Variants in USB1 observed in about 807,000 individuals in gnomAD.
The protein encoded by USB1 is U6 snRNA phosphodiesterase 1.
Under a neutral mutation model 29.9 loss-of-function variants are expected in USB1, and 21 were observed. The observed-to-expected ratio is 0.70, with a 90% CI of 0.50 to 1.01. USB1 has a LOEUF of 1.01. Among genes scored for constraint, USB1 ranks in the 50% least tolerant of loss-of-function variants. USB1 has a pLI of 0.00. For missense variants in USB1, 330 were observed against 347.1 expected (o/e 0.95, Z 0.39); for synonymous variants, 143 against 134.9 (o/e 1.06, Z -0.42).
chr16:58,003,945 A>C (rs1314060460), intron 2 of USB1, among the ~76,000 whole-genome samples: 1 of 152,162 alleles, frequency 6.6e-6, no homozygotes, highest in East Asian at 1.9e-4. Flanking sequence ...GAAGTTTTTA[A>C]GTTTAATGAA....
At chr16:58,011,381 A>T (rs745809938) in intron 3 of USB1, 12 of 1,216,154 alleles carry the variant, frequency 9.9e-6, no homozygotes, top group Non-Finnish European at 1.2e-5. Context: ...TTTGTCTGCC[A>T]GCCTGGGGCT....
chr16:58,017,827 G>A (rs891910904), intron 5 of USB1, among the ~76,000 whole-genome samples: 1 of 152,150 alleles, frequency 6.6e-6, no homozygotes, highest in Non-Finnish European at 1.5e-5. Flanking sequence ...GCCCTCCAAG[G>A]GCACTTGGAC....
chr16:58,018,904 G>A, intron 5 of USB1, 68 bp from the exon 6 acceptor site: 1 of 1,501,934 alleles, frequency 6.7e-7, no homozygotes. Context: ...CTCTGTCACA[G>A]ACCTGCTGTG....
intron 2 of USB1, among the ~76,000 whole-genome samples, chr16:58,003,663 C>T (rs2142292896): frequency 6.6e-6 from 1 of 152,254 alleles, no homozygotes; most frequent in Admixed American, 6.5e-5. Flanking sequence ...TGTGTATCTT[C>T]CTCAGTGAGG....
At position 58,001,480 on chromosome 16, in the gene USB1, C is replaced by G; in HGVS notation, c.-4C>G. 1.3e-6 allele frequency: 2 copies of G among 1,596,154 alleles called. No homozygotes were observed. The highest frequency in any genetic ancestry group is 1.7e-4 in the Middle Eastern group (1 of 6,002). ...CCTGCTCTGGTGGTCTTGGATGAGG[C>G]CCCATGAGCGCGGCGCCCCTGGTGG... On this transcript the variant is annotated 5_prime_UTR_variant, in exon 1 of 7. Transcript: ENST00000219281.
chr16:58,016,023 G>T, intron 4 of USB1: 1 of 152,800 alleles, frequency 6.5e-6, no homozygotes. Flanking sequence ...ATGTCAGTCT[G>T]GCTAGTGGTG....
rs2142314809 is a variant in USB1, at chr16:58,020,281, G to A, written c.*36G>A. 1.2e-6 allele frequency: 2 copies of A among 1,601,392 alleles called. No homozygotes were observed. The highest frequency in any genetic ancestry group is 1.1e-5 in the South Asian group (1 of 90,668). ...CCTTCCTCCTCCAGGGCCCTCTGCA[G>A]ACCAGGCTGAGATGGAGGAACCTGC... is the stretch of plus-strand genomic sequence containing the variant. On this transcript the variant is annotated 3_prime_UTR_variant, in exon 7 of 7. Coordinates refer to ENST00000219281, the MANE Select transcript of USB1 (RefSeq NM_024598.4).
intron 2 of USB1, among the ~76,000 whole-genome samples, chr16:58,009,391 A>AT (rs1963437900): frequency 6.6e-6 from 1 of 152,194 alleles, no homozygotes; most frequent in Admixed American, 6.5e-5. Context: ...TTAGGCTGTA[A>AT]TTCAGTAAGT....
intron 3 of USB1, chr16:58,011,585 A>G: frequency 1.0e-6 from 1 of 992,770 alleles, no homozygotes; most frequent in Non-Finnish European, 1.2e-6. Flanking sequence ...CTGTCCAGAG[A>G]TCAGTCGGTC....
intron 3 of USB1, chr16:58,011,362 A>G: frequency 2.4e-6 from 3 of 1,239,378 alleles, no homozygotes; most frequent in Non-Finnish European, 3.0e-6. Flanking sequence ...ACCAGACCCC[A>G]CTTCTGGTTT....
intron 1 of USB1, among the ~76,000 whole-genome samples, chr16:58,001,815 G>A (rs577863608): frequency 6.6e-5 from 10 of 150,758 alleles, no homozygotes; most frequent in African/African-American, 2.2e-4. Context: ...ACCTGGGTTC[G>A]GGTCCAGCCT....
Position 58,021,489 on chromosome 16 carries a change from C to T in USB1, c.*1244C>T, listed in dbSNP as rs1225020244. The T allele has an allele frequency of 6.6e-6, 1 of 152,290 alleles. No homozygotes were observed. Among genetic ancestry groups the T allele is most frequent in the Non-Finnish European group, 1.5e-5 (1 of 68,056 alleles). The allele number at this position is 152,290 out of a possible 1,614,324, so 9.4% of individuals were successfully genotyped here. On this transcript the variant is annotated 3_prime_UTR_variant, in exon 7 of 7. Coordinates refer to ENST00000219281, the MANE Select transcript of USB1 (RefSeq NM_024598.4). ...GCATGGGATTTTAATTGTTTCATCACACCTTCCCCGTGGCAAAGAAACAGT... is the reference window on the plus strand; with the variant it reads ...GCATGGGATTTTAATTGTTTCATCATACCTTCCCCGTGGCAAAGAAACAGT...
chr16:58,005,902 A>T (rs1261331085), intron 2 of USB1, among the ~76,000 whole-genome samples: 1 of 152,044 alleles, frequency 6.6e-6, no homozygotes, highest in Non-Finnish European at 1.5e-5. Flanking sequence ...TTCAAATCCT[A>T]CTTGTTCGTT....
intron 2 of USB1, among the ~76,000 whole-genome samples, chr16:58,008,453 C>CTTTTTTTTTTTTTTTTTTT (rs56262437): frequency 2.6e-5 from 3 of 115,184 alleles, no homozygotes; most frequent in African/African-American, 3.2e-5. Flanking sequence ...TTTTCTTTTT[C>CTTTTTTTTTTTTTTTTTTT]TTTTTTTTTT....
In USB1 at chr16:58,020,410, T is replaced by TTCTC; in HGVS notation, c.*175_*178dup. On this transcript the variant is annotated 3_prime_UTR_variant, in exon 7 of 7. Transcript: ENST00000219281. ...TCCTCATCCTCCCTGAGTGCTGATA[T>TTCTC]TCTCTCTCTCTCTTTCTCTTCCTCT... 1.5e-6 allele frequency: 1 copy of TTCTC among 679,184 alleles called. No individual in the cohort carries two copies. The allele number at this position is 679,184 out of a possible 1,614,324, so 42.1% of individuals were successfully genotyped here. A position where few individuals can be genotyped will look rare whatever the true frequency, so the allele number is the denominator to read the frequency against.
rs1229196973 is a variant in USB1 at position 58,017,361 on chromosome 16, A to C, written c.531A>C (p.Ser177=). Residue 177 remains serine (S), a synonymous_variant, in exon 5 of 7, where the codon TCA becomes TCC. Transcript: ENST00000219281. ...TRTFIGLEVT[S]GHAQFLDLVS... ...CCTTTATTGGGCTTGAGGTCACTTC[A>C]GGGCATGCCCAGTTCCTGGACCTGG... The C allele has an allele frequency of 6.2e-7, 1 of 1,614,194 alleles. No homozygotes were observed. Among genetic ancestry groups the C allele is most frequent in the South Asian group, 1.1e-5 (1 of 91,082 alleles).
Position 58,020,136 on chromosome 16 carries a change from T to C in USB1, c.694-5T>C. On this transcript the variant is annotated splice_polypyrimidine_tract_variant and splice_region_variant and intron_variant, in intron 6 of 6. Transcript: ENST00000219281. ...TGACTGTCCTCCCCTGGCTGCTGTT[T>C]TAAGGCAATCGTGGATGGGTTTGAA... The C allele has an allele frequency of 6.2e-7, 1 of 1,614,166 alleles. No individual in the cohort carries two copies. The highest frequency in any genetic ancestry group is 8.5e-7 in the Non-Finnish European group (1 of 1,180,018).
At chr16:58,003,314 C>G (rs986703481) in intron 2 of USB1, among the ~76,000 whole-genome samples, 11 of 152,156 alleles carry the variant, frequency 7.2e-5, no homozygotes, top group African/African-American at 2.7e-4. Context: ...ATGGTTCCCA[C>G]TACTTGAGAG....
At chr16:58,011,426 A>C in intron 3 of USB1, 1 of 1,094,504 alleles carries the variant, frequency 9.1e-7, no homozygotes, top group African/African-American at 1.6e-5. Flanking sequence ...TTATTTCATA[A>C]CTCTTTTCCT....
Sources: allele counts gnomAD v4.1 joint callset (sites outside exome capture counted in the v4.1 genomes callset), GRCh38; gene constraint gnomAD v4.1.1; transcripts MANE v1.5; gene names NCBI Gene and HGNC (gene_info 2026-07-23, HGNC 2026-07-21).